Variants in ZNF69 observed in about 807,000 individuals in gnomAD.
The protein encoded by ZNF69 is zinc finger protein 69, also known as ZNF3.
ZNF69 carries 47 observed loss-of-function variants against 50.9 expected under a neutral mutation model. That is an observed-to-expected ratio of 0.92 (90% CI 0.73 to 1.18). The LOEUF (loss-of-function observed/expected upper bound fraction) is 1.18. Ranked by LOEUF, ZNF69 falls within the 50% of genes most tolerant of loss-of-function variation. The probability of loss-of-function intolerance (pLI) is 0.00; values close to 1 mark genes in which losing one functional copy is unlikely to be tolerated. For synonymous variants in ZNF69, 216 were observed against 223.1 expected (o/e 0.97, Z 0.29); for missense variants, 717 against 675.1 (o/e 1.06, Z -0.69).
At chr19:11,947,654 A>G in the ZNF69 span, 3 of 1,281,876 alleles carry the variant, frequency 2.3e-6, no homozygotes, top group Non-Finnish European at 3.3e-6. Context: ...GAAGTAAAAC[A>G]AAGAACTAAA....
chr19:11,929,146 A>C, the ZNF69 span, among the ~76,000 whole-genome samples: 1 of 148,142 alleles, frequency 6.8e-6, no homozygotes, highest in Middle Eastern at 3.4e-3. Flanking sequence ...TACCAGCTTA[A>C]ATTTTTGAAT....
the ZNF69 span, among the ~76,000 whole-genome samples, chr19:11,929,603 G>A: frequency 6.8e-6 from 1 of 148,078 alleles, no homozygotes; most frequent in Non-Finnish European, 1.5e-5. Flanking sequence ...ATTTAAATTC[G>A]ATTTCAGGGT....
At chr19:11,895,197 A>G (rs1977196454) in intron 1 of ZNF69, among the ~76,000 whole-genome samples, 1 of 152,260 alleles carries the variant, frequency 6.6e-6, no homozygotes, top group South Asian at 2.1e-4. Context: ...AGCCAAATCC[A>G]AGAATGATTG....
chr19:11,947,515 A>G, the ZNF69 span: 21 of 1,611,050 alleles, frequency 1.3e-5, no homozygotes, highest in South Asian at 2.2e-5. Flanking sequence ...GTATTTTAGG[A>G]AAAAAATGGA....
chr19:11,926,395 A>C, the ZNF69 span, among the ~76,000 whole-genome samples: 2 of 151,950 alleles, frequency 1.3e-5, no homozygotes, highest in East Asian at 3.9e-4. Context: ...CTGGAAAGGT[A>C]CTTTGTTTTT....
At chr19:11,933,834 G>A in the ZNF69 span, among the ~76,000 whole-genome samples, 1 of 139,920 alleles carries the variant, frequency 7.1e-6, no homozygotes, top group Non-Finnish European at 1.5e-5. Flanking sequence ...GACGGAGCAA[G>A]ACTCCATCTC....
At chr19:11,965,165 A>G in the ZNF69 span, 2 of 1,613,698 alleles carry the variant, frequency 1.2e-6, no homozygotes, top group Non-Finnish European at 1.7e-6. Context: ...TTCTGTAGTC[A>G]CAGGAGCTGT....
chr19:11,910,978 A>C (rs1972449705), downstream of ZNF69, among the ~76,000 whole-genome samples: 1 of 152,198 alleles, frequency 6.6e-6, no homozygotes, highest in Non-Finnish European at 1.5e-5. Context: ...ATTTACAAGA[A>C]AAAATCAAAC....
At chr19:11,968,565 G>C in the ZNF69 span, among the ~76,000 whole-genome samples, 1 of 152,176 alleles carries the variant, frequency 6.6e-6, no homozygotes, top group Non-Finnish European at 1.5e-5. Flanking sequence ...GTAGTGGTTT[G>C]CTTTTTTCCC....
At chr19:11,909,931 C>G (rs1972433179), downstream of ZNF69, among the ~76,000 whole-genome samples, 1 of 151,104 alleles carries the variant, frequency 6.6e-6, no homozygotes, top group Non-Finnish European at 1.5e-5. Flanking sequence ...CCTATCATCT[C>G]AGCCCAAAAT....
chr19:11,938,929 G>T, the ZNF69 span, among the ~76,000 whole-genome samples: 2 of 152,162 alleles, frequency 1.3e-5, no homozygotes, highest in Non-Finnish European at 2.9e-5. Context: ...TAACTGGTGT[G>T]AGATGGTATC....
At chr19:11,974,111 TTC>T in the ZNF69 span, among the ~76,000 whole-genome samples, 3 of 79,178 alleles carry the variant, frequency 3.8e-5, no homozygotes, top group Non-Finnish European at 8.0e-5. Flanking sequence ...CTTTCTTTCT[TTC>T]TTTCTTTCTT....
Position 11,905,035 on chromosome 19 carries a change from T to G in ZNF69, c.638T>G (p.Met213Arg). 4 of 1,614,092 alleles carry G rather than the reference T, an allele frequency of 2.5e-6. No homozygotes were observed. The highest frequency in any genetic ancestry group is 3.4e-6 in the Non-Finnish European group (4 of 1,180,010). The change falls in exon 4 of 4, where the codon ATG becomes AGG. Residue 213 changes from methionine to arginine, a missense_variant. Coordinates refer to ENST00000429654, the MANE Select transcript of ZNF69 (RefSeq NM_001364730.1). Reference sequence around the variant, plus strand: ...TCAAGCATTCAAAGACACGTGGTAATGCACAGTGGGGATGGACCTTATAAA... The same window carrying G: ...TCAAGCATTCAAAGACACGTGGTAAGGCACAGTGGGGATGGACCTTATAAA... ...SHSSIQRHVV[M>R]HSGDGPYKCK... is the part of the protein sequence containing the mutation.
chr19:11,920,042 AGGCAACTACTGGTG>A, the ZNF69 span, among the ~76,000 whole-genome samples: 1 of 151,994 alleles, frequency 6.6e-6, no homozygotes, highest in Admixed American at 6.6e-5. Context: ...TGTGCTTCAT[AGGCAACTACTGGTG>A]ATAGTAGTGA....
chr19:11,959,570 GT>G, the ZNF69 span, among the ~76,000 whole-genome samples: 2 of 152,156 alleles, frequency 1.3e-5, no homozygotes, highest in African/African-American at 4.8e-5. Context: ...GTGTTTCTGG[GT>G]TTTTTGCCTG....
downstream of ZNF69, among the ~76,000 whole-genome samples, chr19:11,916,879 C>T (rs1420900146): frequency 2.0e-5 from 3 of 152,058 alleles, no homozygotes; most frequent in Non-Finnish European, 4.4e-5. Flanking sequence ...TGAATCACAG[C>T]CATTTTCAGG....
the ZNF69 span, among the ~76,000 whole-genome samples, chr19:11,962,076 C>T: frequency 6.6e-6 from 1 of 152,142 alleles, no homozygotes; most frequent in Non-Finnish European, 1.5e-5. Context: ...TTGGCCACCC[C>T]AGTGCTGGGA....
At chr19:11,979,060 A>G in the ZNF69 span, 3 of 1,614,044 alleles carry the variant, frequency 1.9e-6, no homozygotes, top group African/African-American at 1.3e-5. Flanking sequence ...GCATTATCTT[A>G]TAAGTTTTCA....
At chr19:11,898,848 T>C (rs552289870) in intron 1 of ZNF69, among the ~76,000 whole-genome samples, 23 of 152,302 alleles carry the variant, frequency 1.5e-4, no homozygotes, top group Middle Eastern at 3.4e-3. Context: ...AAAATAATTG[T>C]TTTAAACCAA....
Sources: gnomAD v4.1 joint callset for allele counts (sites outside exome capture counted in the v4.1 genomes callset) on GRCh38, gnomAD v4.1.1 for gene constraint, MANE v1.5 for transcripts, NCBI Gene and HGNC (gene_info 2026-07-23, HGNC 2026-07-21) for gene names.